The following EXOC6B variants were observed in gnomAD, a reference collection of about 807,000 sequenced individuals.
EXOC6B encodes exocyst complex component 6B.
EXOC6B carries 54 observed loss-of-function variants against 113.5 expected under a neutral mutation model. That is an observed-to-expected ratio of 0.48 (90% confidence interval 0.38 to 0.60). The LOEUF (loss-of-function observed/expected upper bound fraction) is 0.60. Ranked by LOEUF, EXOC6B falls within the 20% of genes least tolerant of loss-of-function variation. EXOC6B has a pLI of 0.00. For missense variants in EXOC6B, 797 were observed against 977.5 expected (o/e 0.82, Z 2.46); for synonymous variants, 357 against 339.0 (o/e 1.05, Z -0.58).
intron 19 of EXOC6B, among the ~76,000 whole-genome samples, chr2:72,361,155 A>C (rs1320725836): frequency 6.6e-6 from 1 of 152,174 alleles, no homozygotes; most frequent in African/African-American, 2.4e-5. Context: ...GAAATGTAAG[A>C]GTTTTCTAGG....
intron 20 of EXOC6B, among the ~76,000 whole-genome samples, chr2:72,284,366 A>G (rs767511297): frequency 1.3e-5 from 2 of 152,162 alleles, no homozygotes; most frequent in African/African-American, 2.4e-5. Context: ...GGGCTAAGAA[A>G]GAAAAATTAC....
intron 6 of EXOC6B, among the ~76,000 whole-genome samples, chr2:72,693,597 A>C (rs1380178524): frequency 6.6e-6 from 1 of 152,192 alleles, no homozygotes; most frequent in Non-Finnish European, 1.5e-5. Flanking sequence ...CACAAGATCA[A>C]ACAATACTTT....
chr2:72,472,097 T>A (rs1265313311), intron 17 of EXOC6B, among the ~76,000 whole-genome samples: 3 of 152,170 alleles, frequency 2.0e-5, no homozygotes, highest in African/African-American at 7.2e-5. Context: ...ACATTATCTT[T>A]TAATTAAATT....
At position 72,825,378 on chromosome 2, in the gene EXOC6B, C is replaced by T. The variant is rs1686838600; in HGVS notation, c.113+420G>A. ...TGAGGCAAGACTTTGATTTCGAGCA[C>T]TAGACCATGGAGTGAAATTCTGTGT... On this transcript the variant is annotated intron_variant, in intron 1 of 21. Coordinates refer to ENST00000272427, the MANE Select transcript of EXOC6B (RefSeq NM_015189.3). This position sits in a 1 kb window ranked among gnomAD's most constrained non-coding sequence, Gnocchi z 4.4. Among the ~76,000 whole-genome samples the T allele has an allele frequency of 6.6e-6, 1 of 152,330 alleles. No individual in the cohort carries two copies. Among genetic ancestry groups the T allele is most frequent in the Admixed American group, 6.5e-5 (1 of 15,310 alleles).
At chr2:72,309,384 G>C (rs1487255674) in intron 20 of EXOC6B, among the ~76,000 whole-genome samples, 1 of 152,080 alleles carries the variant, frequency 6.6e-6, no homozygotes, top group South Asian at 2.1e-4. Flanking sequence ...CTCAGGTGAG[G>C]AATTACTGAA....
At chr2:72,692,839 G>A (rs1446269241) in intron 6 of EXOC6B, among the ~76,000 whole-genome samples, 1 of 152,116 alleles carries the variant, frequency 6.6e-6, no homozygotes, top group Admixed American at 6.5e-5. Flanking sequence ...CCCAAGAGAG[G>A]AAACTAAGTG....
At chr2:72,208,540 T>A (rs536083406) in intron 20 of EXOC6B, among the ~76,000 whole-genome samples, 1 of 152,176 alleles carries the variant, frequency 6.6e-6, no homozygotes, top group East Asian at 1.9e-4. Context: ...AGCATGGCAA[T>A]GAACAAACAA....
At chr2:72,538,340 T>C (rs1702419524) in intron 8 of EXOC6B, among the ~76,000 whole-genome samples, 1 of 152,136 alleles carries the variant, frequency 6.6e-6, no homozygotes, top group Non-Finnish European at 1.5e-5. Context: ...AGCAGCGATG[T>C]TCAACAGAAA....
At chr2:72,382,859 A>G (rs1294335955) in intron 18 of EXOC6B, among the ~76,000 whole-genome samples, 1 of 152,066 alleles carries the variant, frequency 6.6e-6, no homozygotes, top group Non-Finnish European at 1.5e-5. Context: ...AAGGCTACTG[A>G]TTTTTGTACA....
intron 17 of EXOC6B, among the ~76,000 whole-genome samples, chr2:72,470,758 G>A (rs1181463624): frequency 4.6e-5 from 7 of 151,418 alleles, no homozygotes; most frequent in African/African-American, 1.7e-4. Context: ...GAGAATGATG[G>A]TTTCCAGCTT....
chr2:72,397,661 T>TAAAATAAAATAAAATAAAAAAA, intron 18 of EXOC6B, among the ~76,000 whole-genome samples: 1 of 102,110 alleles, frequency 9.8e-6, no homozygotes, highest in African/African-American at 8.5e-5. Context: ...AAAATAAAAT[T>TAAAATAAAATAAAATAAAAAAA]ATATATATAT....
chr2:72,374,436 C>T (rs1691226852), intron 19 of EXOC6B, among the ~76,000 whole-genome samples: 2 of 151,974 alleles, frequency 1.3e-5, no homozygotes, highest in African/African-American at 4.8e-5. Flanking sequence ...AAGTGTTAAA[C>T]CAGGCACAGA....
At chr2:72,708,264 G>C (rs1291461555) in intron 6 of EXOC6B, among the ~76,000 whole-genome samples, 1 of 152,106 alleles carries the variant, frequency 6.6e-6, no homozygotes, top group Non-Finnish European at 1.5e-5. Flanking sequence ...GACATGTTAG[G>C]ATAGTGGAAC....
chr2:72,480,479 G>A, intron 17 of EXOC6B, 137 bp downstream of exon 17: 1 of 822,482 alleles, frequency 1.2e-6, no homozygotes, highest in Non-Finnish European at 1.7e-6. Context: ...AATAGAGAAG[G>A]GAAACCAAAC....
Position 72,825,745 on chromosome 2 carries a change from C to T in EXOC6B, c.113+53G>A, listed in dbSNP as rs1047504430. On this transcript the variant is annotated intron_variant, in intron 1 of 21. Coordinates refer to ENST00000272427, the MANE Select transcript of EXOC6B (RefSeq NM_015189.3). This position sits in a 1 kb window ranked among gnomAD's most constrained non-coding sequence, Gnocchi z 4.4. ...CGGCCGGAGGCCCGACCCAGAGGAG[C>T]CTGCCCCGTCCCGCCCGTTCCCGCC... 28 of 1,557,270 alleles carry T rather than the reference C, an allele frequency of 1.8e-5. No individual in the cohort carries two copies. The highest frequency in any genetic ancestry group is 2.3e-5 in the Non-Finnish European group (26 of 1,154,636).
At chr2:72,694,451 AAAAAT>A (rs1162717935) in intron 6 of EXOC6B, among the ~76,000 whole-genome samples, 8 of 152,184 alleles carry the variant, frequency 5.3e-5, no homozygotes, top group African/African-American at 9.7e-5. Flanking sequence ...CAAAAAAATA[AAAAAT>A]AAAATAAAAG....
At position 72,496,490 on chromosome 2, in the gene EXOC6B, T is replaced by C. The variant is rs763515222; in HGVS notation, c.1407A>G (p.Val469=). The part of the protein sequence containing the change: ...VTSEEMYKKV[V]GQFPFQDIEL... Reference sequence around the variant, plus strand: ...CTATATCTTGAAATGGGAATTGTCCTACCACCTTTTTGTACATCTCTTCAC... The same window carrying C: ...CTATATCTTGAAATGGGAATTGTCCCACCACCTTTTTGTACATCTCTTCAC... The change falls in exon 14 of 22, where the codon GTA becomes GTG. Residue 469 remains valine, a synonymous_variant. Transcript: ENST00000272427. 6.2e-7 allele frequency: 1 copy of C among 1,601,338 alleles called. No homozygotes were observed. The highest frequency in any genetic ancestry group is 8.5e-7 in the Non-Finnish European group (1 of 1,172,056).
rs180983080 is a variant in EXOC6B, at chr2:72,369,990, C to G, written c.2122+9739G>C. On this transcript the variant is annotated intron_variant, in intron 19 of 21. Transcript: ENST00000272427. Reference sequence around the variant, plus strand: ...TCTGAAACACCAAAAGCGATGGCAACAAAAGCCAAAACTGACAAATGGGAT... The same window carrying G: ...TCTGAAACACCAAAAGCGATGGCAAGAAAAGCCAAAACTGACAAATGGGAT... Among the ~76,000 whole-genome samples the G allele has an allele frequency of 1.5e-3, 230 of 152,254 alleles. 1 individual carries two copies. Among genetic ancestry groups the G allele is most frequent in the African/African-American group, 5.3e-3 (222 of 41,540 alleles).
At chr2:72,714,980 G>T (rs143784942) in intron 6 of EXOC6B, among the ~76,000 whole-genome samples, 1 of 152,084 alleles carries the variant, frequency 6.6e-6, no homozygotes, top group African/African-American at 2.4e-5. Flanking sequence ...TTTAATAAAC[G>T]TTTGTGCCAG....
Sources: allele counts gnomAD v4.1 joint callset (sites outside exome capture counted in the v4.1 genomes callset), GRCh38; gene constraint gnomAD v4.1.1; non-coding constraint Gnocchi (gnomAD v3.1); transcripts MANE v1.5; gene names NCBI Gene and HGNC (gene_info 2026-07-23, HGNC 2026-07-21).